Variants in CABLES1 observed in about 807,000 individuals in gnomAD.
The protein encoded by CABLES1 is Cdk5 and Abl enzyme substrate 1.
A neutral mutation model predicts 57.8 loss-of-function variants in CABLES1; 36 were observed. The observed-to-expected ratio is 0.62, with a 90% CI of 0.48 to 0.82. The LOEUF (loss-of-function observed/expected upper bound fraction) is 0.82, where lower values mean the gene tolerates loss of function less well. Among genes scored for constraint, CABLES1 ranks in the 40% least tolerant of loss-of-function variants. The probability of loss-of-function intolerance (pLI) is 0.00; values close to 1 mark genes in which losing one functional copy is unlikely to be tolerated. For missense variants in CABLES1, 767 were observed against 836.6 expected (o/e 0.92, Z 1.03); for synonymous variants, 374 against 363.0 (o/e 1.03, Z -0.35).
intron 3 of CABLES1, among the ~76,000 whole-genome samples, chr18:23,202,911 C>T (rs375705945): frequency 9.3e-5 from 14 of 150,864 alleles, no homozygotes; most frequent in South Asian, 8.4e-4. Context: ...GGCGTGAACC[C>T]GGGAGGCGGA....
chr18:23,168,427 C>G (rs1022409604), intron 1 of CABLES1, among the ~76,000 whole-genome samples: 2 of 152,096 alleles, frequency 1.3e-5, no homozygotes, highest in African/African-American at 4.8e-5. Context: ...TTCATAGAGA[C>G]AGAAAGTAGA....
chr18:23,198,151 TA>T (rs1046230410), intron 3 of CABLES1: 3 of 152,046 alleles, frequency 2.0e-5, no homozygotes, highest in African/African-American at 7.3e-5. Context: ...TCCCAGCTAT[TA>T]GGGAGGCTGA....
intron 1 of CABLES1, chr18:23,155,955 A>T: frequency 6.2e-7 from 1 of 1,614,074 alleles, no homozygotes; most frequent in Non-Finnish European, 8.5e-7. Flanking sequence ...TTTCCCATGT[A>T]AGTTGTCAGA....
intron 1 of CABLES1, among the ~76,000 whole-genome samples, chr18:23,148,034 G>A (rs1428810572): frequency 7.8e-6 from 1 of 127,914 alleles, no homozygotes; most frequent in Admixed American, 1.0e-4. Context: ...TTGTTGCCCA[G>A]GCTGGAGTGC....
intron 1 of CABLES1, among the ~76,000 whole-genome samples, chr18:23,147,018 G>A (rs576153507): frequency 2.2e-4 from 34 of 152,296 alleles, no homozygotes; most frequent in Admixed American, 9.8e-4. Flanking sequence ...GAAATATTGT[G>A]CTATAGTTTT....
chr18:23,138,138 C>T (rs1429661237), intron 1 of CABLES1, among the ~76,000 whole-genome samples: 3 of 152,156 alleles, frequency 2.0e-5, no homozygotes, highest in African/African-American at 7.2e-5. Flanking sequence ...TTATTCTAAG[C>T]CAGTGTGCAA....
At chr18:23,242,324 G>A (rs2047756140) in intron 7 of CABLES1, among the ~76,000 whole-genome samples, 1 of 152,148 alleles carries the variant, frequency 6.6e-6, no homozygotes. Context: ...ATTGCAGCTG[G>A]CCCGGTGGTT....
At chr18:23,145,875 G>A (rs1366277187) in intron 1 of CABLES1, among the ~76,000 whole-genome samples, 2 of 152,206 alleles carry the variant, frequency 1.3e-5, no homozygotes, top group African/African-American at 2.4e-5. Flanking sequence ...TTTGGTCACA[G>A]ACAAGAGCTT....
intron 3 of CABLES1, among the ~76,000 whole-genome samples, chr18:23,206,556 ACTTC>A (rs924559213): frequency 1.3e-5 from 2 of 152,182 alleles, no homozygotes; most frequent in Non-Finnish European, 2.9e-5. Context: ...TGTGGCATCG[ACTTC>A]CTTATGTCCT....
intron 3 of CABLES1, among the ~76,000 whole-genome samples, chr18:23,194,998 T>A (rs2047271825): frequency 6.6e-6 from 1 of 152,200 alleles, no homozygotes; most frequent in Non-Finnish European, 1.5e-5. Flanking sequence ...GTAGAATCAT[T>A]ACTTTGCTGG....
At chr18:23,142,395 A>G (rs1343132252) in intron 1 of CABLES1, among the ~76,000 whole-genome samples, 1 of 152,092 alleles carries the variant, frequency 6.6e-6, no homozygotes, top group Non-Finnish European at 1.5e-5. Context: ...TCAGTCCCCC[A>G]GATGAAACTA....
chr18:23,205,026 CTTGGTCTGCACCA>C (rs1285912959), intron 3 of CABLES1, among the ~76,000 whole-genome samples: 2 of 152,140 alleles, frequency 1.3e-5, no homozygotes, highest in African/African-American at 4.8e-5. Flanking sequence ...GACATCAGTC[CTTGGTCTGCACCA>C]TTGGTCTGCA....
At chr18:23,150,201 G>GTGTT (rs751475597) in intron 1 of CABLES1, among the ~76,000 whole-genome samples, 2 of 102,926 alleles carry the variant, frequency 1.9e-5, no homozygotes, top group Admixed American at 9.5e-5. Flanking sequence ...ATAGTAGTTG[G>GTGTT]TGTTTGTTTT....
At chr18:23,237,059 T>C (rs2047623082) in intron 6 of CABLES1, 83 bp from the exon 7 acceptor site, 1 of 837,138 alleles carries the variant, frequency 1.2e-6, no homozygotes, top group African/African-American at 1.7e-5. Context: ...ATTCCAGCTA[T>C]ACTTGGCATT....
Position 23,136,666 on chromosome 18 carries a change from T to C in CABLES1, c.845+59T>C, listed in dbSNP as rs548906024. On this transcript the variant is annotated intron_variant, in intron 1 of 9. Transcript: ENST00000256925. ...TGCGTCCCGCCCGGCGCTCCCAGCC[T>C]CCCCGCGGTCTCTGGGCTACGGGAC... is the stretch of plus-strand genomic sequence containing the variant. The C allele has an allele frequency of 3.3e-4, 373 of 1,126,302 alleles. 1 individual carries two copies. In the African/African-American group the frequency reaches 5.5e-3, roughly 17 times the overall value. 69.8% of individuals were successfully genotyped at this position (1,126,302 alleles called of 1,614,324 possible).
chr18:23,141,775 C>G (rs2046859401), intron 1 of CABLES1, among the ~76,000 whole-genome samples: 1 of 152,208 alleles, frequency 6.6e-6, no homozygotes, highest in Admixed American at 6.5e-5. Flanking sequence ...TGAGCTTTTG[C>G]TCTCTGAATG....
rs558618957 is a variant in CABLES1 at position 23,184,542 on chromosome 18, A to C, written c.846-4296A>C. 1.3e-3 allele frequency among the ~76,000 whole-genome samples: 204 copies of C among 152,196 alleles called. 1 individual carries two copies. In the Middle Eastern group the frequency reaches 0.014, roughly 10 times the overall value. ...ATGTGGCGAAACCCTGTCTCTACTA[A>C]AAATACAAAAATTAGCTGGGTGTGG... is the stretch of plus-strand genomic sequence containing the variant. On this transcript the variant is annotated intron_variant, in intron 1 of 9. Coordinates refer to ENST00000256925, the MANE Select transcript of CABLES1 (RefSeq NM_001100619.3).
chr18:23,162,686 T>C (rs1386059284), intron 1 of CABLES1, among the ~76,000 whole-genome samples: 2 of 151,980 alleles, frequency 1.3e-5, no homozygotes, highest in African/African-American at 4.8e-5. Context: ...TTCTTGGAGG[T>C]GGTGTCTTAG....
At chr18:23,145,747 T>C (rs2046888047) in intron 1 of CABLES1, among the ~76,000 whole-genome samples, 1 of 152,218 alleles carries the variant, frequency 6.6e-6, no homozygotes, top group Admixed American at 6.5e-5. Flanking sequence ...GAACGTATAA[T>C]TAATTGGAGT....
Sources: allele counts gnomAD v4.1 joint callset (sites outside exome capture counted in the v4.1 genomes callset), GRCh38; gene constraint gnomAD v4.1.1; transcripts MANE v1.5; gene names NCBI Gene and HGNC (gene_info 2026-07-23, HGNC 2026-07-21).